Variants in DENND1B observed in about 807,000 individuals in gnomAD.
DENND1B encodes the protein DENN domain containing 1B.
In DENND1B, 59 loss-of-function variants were observed where a neutral mutation model predicts 90.1. That is an observed-to-expected ratio of 0.65 (90% CI 0.53 to 0.81). The LOEUF (loss-of-function observed/expected upper bound fraction) is 0.81. Among genes scored for constraint, DENND1B ranks in the 40% least tolerant of loss-of-function variants. The pLI is 0.00. For missense variants in DENND1B, 862 were observed against 912.6 expected, an observed-to-expected ratio of 0.94 and a Z score of 0.71; for synonymous variants, 337 against 324.6, an observed-to-expected ratio of 1.04 and a Z score of -0.41.
At chr1:197,569,563 TACACACACACACACACAC>T (rs4026518) in intron 15 of DENND1B, among the ~76,000 whole-genome samples, 4 of 148,060 alleles carry the variant, frequency 2.7e-5, no homozygotes, top group African/African-American at 9.9e-5. Flanking sequence ...AAATGTGGTA[TACACACACACACACACAC>T]ACACACACAC....
At chr1:197,657,003 G>A (rs1653899713) in intron 6 of DENND1B, among the ~76,000 whole-genome samples, 2 of 151,974 alleles carry the variant, frequency 1.3e-5, no homozygotes. Flanking sequence ...GACTGGATTT[G>A]GAAAAGATTT....
At chr1:197,662,393 C>G (rs1654494875) in intron 5 of DENND1B, among the ~76,000 whole-genome samples, 1 of 151,928 alleles carries the variant, frequency 6.6e-6, no homozygotes, top group Non-Finnish European at 1.5e-5. Flanking sequence ...AATTCTTACA[C>G]TAATGCTTTG....
chr1:197,678,570 C>G (rs1274731571), intron 3 of DENND1B, among the ~76,000 whole-genome samples: 1 of 152,108 alleles, frequency 6.6e-6, no homozygotes, highest in Non-Finnish European at 1.5e-5. Flanking sequence ...GATTCCCGAA[C>G]AGCACTTAGA....
Position 197,599,428 on chromosome 1 carries a change from A to G in DENND1B, c.922-4095T>C, listed in dbSNP as rs549299467. On this transcript the variant is annotated intron_variant, in intron 13 of 22. Coordinates refer to ENST00000620048, the MANE Select transcript of DENND1B (RefSeq NM_001195215.2). The stretch of plus-strand genomic sequence containing the variant: ...AAGATAAAAATAAGTGTTCCAAAAT[A>G]ATATTTAGATAATCTACACAACCTA... Among the ~76,000 whole-genome samples the G allele has an allele frequency of 3.9e-5, 6 of 151,916 alleles. No homozygotes were observed. In the South Asian group the frequency reaches 1.2e-3, roughly 32 times the overall value.
chr1:197,713,811 T>TAA, intron 3 of DENND1B, among the ~76,000 whole-genome samples: 1 of 56,118 alleles, frequency 1.8e-5, no homozygotes, highest in South Asian at 4.5e-4. Context: ...TTATAATATA[T>TAA]TATATATAAT....
At chr1:197,605,338 AAGT>A (rs1224717589) in intron 13 of DENND1B, 28 of 151,028 alleles carry the variant, frequency 1.9e-4, no homozygotes, top group Non-Finnish European at 4.5e-5. Context: ...TCTACTAGGA[AAGT>A]AGTACTTTTC....
At chr1:197,543,393 A>T (rs1405258484) in intron 18 of DENND1B, among the ~76,000 whole-genome samples, 2 of 152,200 alleles carry the variant, frequency 1.3e-5, no homozygotes, top group African/African-American at 4.8e-5. Flanking sequence ...TATGAGTGAA[A>T]TTAAGGCAAG....
chr1:197,647,672 G>C (rs1680849314), intron 7 of DENND1B, among the ~76,000 whole-genome samples: 1 of 152,194 alleles, frequency 6.6e-6, no homozygotes, highest in African/African-American at 2.4e-5. Flanking sequence ...AACTAGGCCA[G>C]ATGCAGTGGC....
intron 3 of DENND1B, among the ~76,000 whole-genome samples, chr1:197,692,575 C>T (rs1161368696): frequency 2.0e-5 from 3 of 151,808 alleles, no homozygotes; most frequent in African/African-American, 7.2e-5. Context: ...TGTTAATCTT[C>T]CTCCTTAATG....
At chr1:197,713,485 CA>C (rs1029820439) in intron 3 of DENND1B, among the ~76,000 whole-genome samples, 1 of 68,628 alleles carries the variant, frequency 1.5e-5, no homozygotes, top group Admixed American at 2.5e-4. Context: ...ATCGCAAGAA[CA>C]AAAAACCAAA....
chr1:197,569,609 T>C lies in DENND1B; in HGVS notation c.1149+13543A>G, dbSNP rs189699332. Among the ~76,000 whole-genome samples the C allele has an allele frequency of 5.3e-5, 8 of 151,308 alleles. No homozygotes were observed. In the East Asian group the frequency reaches 1.6e-3, roughly 29 times the overall value. On this transcript the variant is annotated intron_variant, in intron 15 of 22. Coordinates refer to ENST00000620048, the MANE Select transcript of DENND1B (RefSeq NM_001195215.2). ...ACACACACACACAATGGAACACTAT[T>C]AACCCTTTATAAAGAAGAAAATCCT...
At chr1:197,771,757 C>T (rs1289394087) in intron 2 of DENND1B, among the ~76,000 whole-genome samples, 1 of 152,156 alleles carries the variant, frequency 6.6e-6, no homozygotes, top group African/African-American at 2.4e-5. Context: ...CTCCACGAAA[C>T]CCCTATGCTT....
chr1:197,771,291 T>C (rs1257555955), intron 2 of DENND1B, among the ~76,000 whole-genome samples: 1 of 152,178 alleles, frequency 6.6e-6, no homozygotes, highest in Non-Finnish European at 1.5e-5. Context: ...TTAACTTATA[T>C]CATAAACCAC....
At chr1:197,671,064 AATGAT>A (rs1420159736) in intron 5 of DENND1B, among the ~76,000 whole-genome samples, 5 of 152,160 alleles carry the variant, frequency 3.3e-5, no homozygotes, top group African/African-American at 1.2e-4. Context: ...CCTCTCAATG[AATGAT>A]ATAACTGTAG....
chr1:197,614,235 G>A (rs1259618547), intron 11 of DENND1B, among the ~76,000 whole-genome samples: 1 of 150,934 alleles, frequency 6.6e-6, no homozygotes, highest in Non-Finnish European at 1.5e-5. Context: ...GGGATCACTT[G>A]TTATCTCCAC....
chr1:197,553,027 C>T lies in DENND1B; in HGVS notation c.1235G>A (p.Cys412Tyr), dbSNP rs200625752. ...ATATTGTAACTTGTCTTTACCTCCA[C>T]AAAAGCCACCTGAAGTGATCTCTTC... ...FEEEITSGGF[C>Y]GGNPRSYQQW... Residue 412 changes from cysteine (C) to tyrosine (Y), a missense_variant, in exon 16 of 23, where the codon TGT (cysteine) becomes TAT (tyrosine). Transcript: ENST00000620048. 1.3e-6 allele frequency: 2 copies of T among 1,574,898 alleles called. No homozygotes were observed. The highest frequency in any genetic ancestry group is 8.6e-7 in the Non-Finnish European group (1 of 1,167,248).
chr1:197,525,553 A>AT (rs1669081064), intron 20 of DENND1B, among the ~76,000 whole-genome samples: 1 of 152,096 alleles, frequency 6.6e-6, no homozygotes, highest in Non-Finnish European at 1.5e-5. Flanking sequence ...TAATGTGAAG[A>AT]TGACTTTTCT....
At chr1:197,589,365 T>C (rs559889497) in intron 14 of DENND1B, among the ~76,000 whole-genome samples, 35 of 152,132 alleles carry the variant, frequency 2.3e-4, no homozygotes, top group Non-Finnish European at 4.4e-4. Context: ...AAAACAACTT[T>C]TATCCATTAA....
chr1:197,705,517 A>C (rs1659440734), intron 3 of DENND1B, among the ~76,000 whole-genome samples: 1 of 152,152 alleles, frequency 6.6e-6, no homozygotes, highest in Non-Finnish European at 1.5e-5. Flanking sequence ...AACAACAATT[A>C]AGCCCCAAAT....
Sources: gnomAD v4.1 joint callset for allele counts (sites outside exome capture counted in the v4.1 genomes callset) on GRCh38, gnomAD v4.1.1 for gene constraint, MANE v1.5 for transcripts, NCBI Gene and HGNC (gene_info 2026-07-23, HGNC 2026-07-21) for gene names.